The following PHLPP1 variants were observed in gnomAD, a reference collection of about 807,000 sequenced individuals.
PHLPP1 encodes the protein PH domain leucine-rich repeat-containing protein phosphatase 1.
Under a neutral mutation model 117.2 loss-of-function variants are expected in PHLPP1, and 42 were observed. The ratio of observed to expected loss-of-function variants is 0.36; its 90% CI spans 0.28 to 0.46. The LOEUF (loss-of-function observed/expected upper bound fraction) is 0.46, where lower values mean the gene tolerates loss of function less well. Ranked by LOEUF, PHLPP1 falls within the 20% of genes least tolerant of loss-of-function variation. The pLI, the probability that PHLPP1 is intolerant of heterozygous loss-of-function variation, is 1.00. For synonymous variants in PHLPP1, 1,042 were observed against 970.7 expected, an observed-to-expected ratio of 1.07 and a Z score of -1.37; for missense variants, 2,084 against 2,241.9, an observed-to-expected ratio of 0.93 and a Z score of 1.42.
intron 3 of PHLPP1, among the ~76,000 whole-genome samples, chr18:62,859,059 A>C (rs1915566686): frequency 6.6e-6 from 1 of 152,212 alleles, no homozygotes; most frequent in South Asian, 2.1e-4. Flanking sequence ...ACTACGTTCT[A>C]CTGCCTTGTG....
intron 4 of PHLPP1, among the ~76,000 whole-genome samples, chr18:62,886,733 G>A (rs534000447): frequency 6.6e-5 from 10 of 152,310 alleles, no homozygotes; most frequent in South Asian, 4.1e-4. Context: ...AACTAAAAGC[G>A]TGCCTTTGGA....
intron 1 of PHLPP1, among the ~76,000 whole-genome samples, chr18:62,824,511 A>G (rs1465276200): frequency 2.6e-5 from 4 of 152,160 alleles, no homozygotes; most frequent in Admixed American, 6.5e-5. Context: ...AGAAATCACA[A>G]TGGGACATGA....
At chr18:62,901,621 C>A (rs1384390631) in intron 6 of PHLPP1, among the ~76,000 whole-genome samples, 1 of 116,664 alleles carries the variant, frequency 8.6e-6, no homozygotes, top group Non-Finnish European at 1.9e-5. Context: ...ATTAATACTC[C>A]TTTTTTCTTT....
At chr18:62,757,069 C>T (rs1912048428) in intron 1 of PHLPP1, among the ~76,000 whole-genome samples, 1 of 152,138 alleles carries the variant, frequency 6.6e-6, no homozygotes, top group Non-Finnish European at 1.5e-5. Context: ...GTATCCTTAA[C>T]GTTAAAACTT....
At chr18:62,751,098 C>T (rs766640986) in intron 1 of PHLPP1, among the ~76,000 whole-genome samples, 49 of 152,272 alleles carry the variant, frequency 3.2e-4, no homozygotes, top group Admixed American at 1.4e-3. Context: ...CTGAGATGTC[C>T]GTGATCCATA....
intron 4 of PHLPP1, among the ~76,000 whole-genome samples, chr18:62,890,975 A>T (rs975555174): frequency 6.6e-6 from 1 of 152,198 alleles, no homozygotes; most frequent in Non-Finnish European, 1.5e-5. Flanking sequence ...TTCATCTGTG[A>T]TGCCTAGGAT....
intron 1 of PHLPP1, among the ~76,000 whole-genome samples, chr18:62,727,460 A>T (rs987912491): frequency 2.0e-5 from 3 of 151,590 alleles, no homozygotes; most frequent in East Asian, 1.9e-4. Flanking sequence ...TAATAATAAT[A>T]AAAAAAATTA....
chr18:62,850,790 C>T (rs1915326529), intron 3 of PHLPP1, among the ~76,000 whole-genome samples: 2 of 152,182 alleles, frequency 1.3e-5, no homozygotes, highest in South Asian at 4.1e-4. Flanking sequence ...TGACCCTATA[C>T]TGTTGCATCT....
intron 1 of PHLPP1, among the ~76,000 whole-genome samples, chr18:62,740,072 A>G (rs555410212): frequency 7.1e-6 from 1 of 139,870 alleles, no homozygotes; most frequent in South Asian, 2.2e-4. Flanking sequence ...AGGTTCGGCA[A>G]TGCTTGCATT....
chr18:62,938,924 G>A (rs1316657531), intron 10 of PHLPP1, among the ~76,000 whole-genome samples: 1 of 151,072 alleles, frequency 6.6e-6, no homozygotes, highest in African/African-American at 2.4e-5. Flanking sequence ...TATCGCATGT[G>A]TTTGTGTGTG....
chr18:62,916,750 T>C (rs1038954536), intron 9 of PHLPP1, among the ~76,000 whole-genome samples: 4 of 35,472 alleles, frequency 1.1e-4, no homozygotes, highest in African/African-American at 4.3e-4. Context: ...TTCTATTCTT[T>C]TTTTTTTTTT....
chr18:62,862,222 G>A (rs1915651244), intron 4 of PHLPP1, among the ~76,000 whole-genome samples: 2 of 151,998 alleles, frequency 1.3e-5, no homozygotes, highest in African/African-American at 4.8e-5. Context: ...TGGGATTACA[G>A]GCGCTCCCCC....
At position 62,960,962 on chromosome 18, in the gene PHLPP1, T is replaced by C. The variant is rs950435368; in HGVS notation, c.3455+2203T>C. Among the ~76,000 whole-genome samples, 22 of 152,330 alleles carry C rather than the reference T, an allele frequency of 1.4e-4. No homozygotes were observed. The East Asian group carries it at 4.2e-3, about 29-fold the overall frequency. On this transcript the variant is annotated intron_variant, in intron 13 of 16. Coordinates refer to ENST00000262719, the MANE Select transcript of PHLPP1 (RefSeq NM_194449.4). ...TTAAGTGCATATGAGGACTCTTCTG[T>C]GAGATTGAGCTGTGGTTCACAGAAC... is the stretch of plus-strand genomic sequence containing the variant.
At chr18:62,938,302 A>G (rs886489503) in intron 10 of PHLPP1, among the ~76,000 whole-genome samples, 1 of 152,156 alleles carries the variant, frequency 6.6e-6, no homozygotes, top group South Asian at 2.1e-4. Context: ...GCTTTTTTGC[A>G]AGGTTGAAAG....
intron 1 of PHLPP1, among the ~76,000 whole-genome samples, chr18:62,806,055 G>A (rs1216895941): frequency 2.0e-5 from 3 of 151,778 alleles, no homozygotes; most frequent in Non-Finnish European, 1.5e-5. Context: ...GTGCCCTCCC[G>A]GACTTCTGTT....
intron 1 of PHLPP1, among the ~76,000 whole-genome samples, chr18:62,775,382 A>G (rs1912919472): frequency 6.6e-6 from 1 of 152,202 alleles, no homozygotes; most frequent in East Asian, 1.9e-4. Flanking sequence ...TTCAGGCGTG[A>G]GCCACCGCGC....
chr18:62,917,491 A>G (rs1051857581), intron 9 of PHLPP1, among the ~76,000 whole-genome samples: 6 of 149,908 alleles, frequency 4.0e-5, no homozygotes, highest in Non-Finnish European at 8.9e-5. Flanking sequence ...GTGTTGTTCA[A>G]TTGCAAACTC....
Position 62,978,830 on chromosome 18 carries a change from T to C in PHLPP1, c.4553T>C (p.Leu1518Pro). 2 of 1,609,490 alleles carry C rather than the reference T, an allele frequency of 1.2e-6. No homozygotes were observed. The highest frequency in any genetic ancestry group is 1.7e-6 in the Non-Finnish European group (2 of 1,177,992). ...TACCCCAGTGAGCAGCGCTGCATGC[T>C]CCACCCCATCTGTCTGTCCAACTCC... is the stretch of plus-strand genomic sequence containing the variant. ...PAYPSEQRCM[L>P]HPICLSNSFQ... is the part of the protein sequence containing the mutation. Residue 1518 changes from leucine (L) to proline (P), a missense_variant, in exon 17 of 17, where the codon CTC (leucine) becomes CCC (proline). Physicochemically the swap from Leu to Pro is moderately conservative, Grantham distance 98. This residue lies in a region of PHLPP1 where 1,365 missense variants were observed against 1,605.9 expected (regional missense o/e 0.85). Coordinates refer to ENST00000262719, the MANE Select transcript of PHLPP1 (RefSeq NM_194449.4). The surrounding 1 kb of genome is among the most constrained non-coding windows in gnomAD (Gnocchi z 7.0).
intron 4 of PHLPP1, among the ~76,000 whole-genome samples, chr18:62,884,455 A>G (rs894054240): frequency 3.9e-5 from 6 of 152,254 alleles, no homozygotes; most frequent in Non-Finnish European, 7.3e-5. Flanking sequence ...AAGAAAATAC[A>G]GTGAGTCTTA....
Sources: gnomAD v4.1 joint callset for allele counts (sites outside exome capture counted in the v4.1 genomes callset) on GRCh38, gnomAD v4.1.1 for gene constraint, gnomAD v4.1.1 regional missense constraint, Gnocchi (gnomAD v3.1) non-coding constraint, MANE v1.5 for transcripts, NCBI Gene and HGNC (gene_info 2026-07-23, HGNC 2026-07-21) for gene names.